Variants in FARS2 observed in about 807,000 individuals in gnomAD.
The protein encoded by FARS2 is phenylalanyl-tRNA synthetase 2, mitochondrial, also known as phenylalanine--tRNA ligase, mitochondrial.
A neutral mutation model predicts 46.4 loss-of-function variants in FARS2; 40 were observed. That is an observed-to-expected ratio of 0.86 (90% CI 0.67 to 1.12). The LOEUF is 1.12. Among genes scored for constraint, FARS2 ranks in the 50% most tolerant of loss-of-function variants. The probability of loss-of-function intolerance (pLI) is 0.00; values close to 1 mark genes in which losing one functional copy is unlikely to be tolerated. For missense variants in FARS2, 513 were observed against 567.9 expected, an observed-to-expected ratio of 0.90 and a Z score of 0.98; for synonymous variants, 234 against 214.9, an observed-to-expected ratio of 1.09 and a Z score of -0.78.
chr6:5,718,349 C>T (rs1759659962), intron 6 of FARS2, among the ~76,000 whole-genome samples: 1 of 152,230 alleles, frequency 6.6e-6, no homozygotes, highest in African/African-American at 2.4e-5. Flanking sequence ...CCCACCCACC[C>T]CCAACTGGGC....
chr6:5,655,172 C>T (rs148210685), intron 6 of FARS2, among the ~76,000 whole-genome samples: 87 of 152,192 alleles, frequency 5.7e-4, no homozygotes, highest in African/African-American at 2.1e-3. Context: ...GAGGGTCCAC[C>T]GTATATGCTT....
chr6:5,711,142 G>A (rs549208916), intron 6 of FARS2, among the ~76,000 whole-genome samples: 3 of 152,200 alleles, frequency 2.0e-5, no homozygotes, highest in Non-Finnish European at 4.4e-5. Flanking sequence ...ATGGGGGAAT[G>A]TCAAAGGGGA....
At chr6:5,269,029 A>T (rs1765751604) in intron 1 of FARS2, among the ~76,000 whole-genome samples, 2 of 152,258 alleles carry the variant, frequency 1.3e-5, no homozygotes, top group Non-Finnish European at 2.9e-5. Flanking sequence ...CTGTAAAGAC[A>T]CATGCACACA....
intron 6 of FARS2, among the ~76,000 whole-genome samples, chr6:5,644,302 C>T (rs1196316235): frequency 6.6e-6 from 1 of 152,062 alleles, no homozygotes; most frequent in Admixed American, 6.5e-5. Context: ...AGCTCAAGCT[C>T]CCTGGGCTCA....
At chr6:5,767,118 C>T (rs1001847292) in intron 6 of FARS2, among the ~76,000 whole-genome samples, 3 of 151,590 alleles carry the variant, frequency 2.0e-5, no homozygotes, top group African/African-American at 4.8e-5. Context: ...TGCAGTGGGG[C>T]GATCTCCACT....
intron 3 of FARS2, among the ~76,000 whole-genome samples, chr6:5,408,338 G>C (rs75936111): frequency 6.6e-6 from 1 of 151,980 alleles, no homozygotes; most frequent in Non-Finnish European, 1.5e-5. Context: ...TAAGCAAGGT[G>C]GGGGGGCAGA....
At chr6:5,716,365 GT>G (rs556575204) in intron 6 of FARS2, among the ~76,000 whole-genome samples, 15 of 151,852 alleles carry the variant, frequency 9.9e-5, no homozygotes, top group Non-Finnish European at 2.2e-4. Context: ...TGGGGGTCTT[GT>G]TTTTTTTCCA....
At chr6:5,381,199 CT>C (rs1581936553) in intron 2 of FARS2, among the ~76,000 whole-genome samples, 1 of 151,734 alleles carries the variant, frequency 6.6e-6, no homozygotes, top group East Asian at 1.9e-4. Flanking sequence ...ACTAAAAATC[CT>C]GTTAGCCAGG....
chr6:5,464,175 C>T (rs925406246), intron 4 of FARS2, among the ~76,000 whole-genome samples: 2 of 152,224 alleles, frequency 1.3e-5, no homozygotes, highest in Non-Finnish European at 2.9e-5. Context: ...GAAAGTTAGT[C>T]CCTGTTAAGG....
At chr6:5,331,484 C>G (rs1427033028) in intron 1 of FARS2, among the ~76,000 whole-genome samples, 1 of 152,178 alleles carries the variant, frequency 6.6e-6, no homozygotes, top group Admixed American at 6.5e-5. Context: ...TTTCTCCTAT[C>G]TGATCACATA....
At chr6:5,269,376 A>G (rs1349325557) in intron 1 of FARS2, among the ~76,000 whole-genome samples, 1 of 151,698 alleles carries the variant, frequency 6.6e-6, no homozygotes. Context: ...ATTAGGAGAT[A>G]TACCTAATGC....
chr6:5,404,600 C>T lies in FARS2; in HGVS notation c.671C>T (p.Ser224Phe), dbSNP rs1348419321. The T allele has an allele frequency of 2.5e-6, 4 of 1,611,610 alleles. No individual in the cohort carries two copies. Among genetic ancestry groups the T allele is most frequent in the Non-Finnish European group, 2.5e-6 (3 of 1,178,524 alleles). Reference sequence around the variant, plus strand: ...CAGCTCTTTGAACAAAGTTCTCGCTCTGCGCATAAACAAGAGACACACACC... The same window carrying T: ...CAGCTCTTTGAACAAAGTTCTCGCTTTGCGCATAAACAAGAGACACACACC... ...SLQLFEQSSR[S>F]AHKQETHTME... is the part of the protein sequence containing the mutation. The change falls in exon 3 of 7, where the codon TCT becomes TTT. Residue 224 changes from serine to phenylalanine, a missense_variant. Physicochemically the swap from Ser to Phe is radical, Grantham distance 155. Transcript: ENST00000274680.
intron 4 of FARS2, among the ~76,000 whole-genome samples, chr6:5,464,330 T>C (rs946595590): frequency 6.6e-6 from 1 of 152,194 alleles, no homozygotes; most frequent in East Asian, 1.9e-4. Flanking sequence ...ACTCCCACAA[T>C]GGACAGTCCT....
In FARS2 at chr6:5,509,758, G is replaced by A. The variant is rs139272464; in HGVS notation, c.905-35422G>A. Among the ~76,000 whole-genome samples the A allele has an allele frequency of 1.2e-4, 19 of 152,298 alleles. No homozygotes were observed. In the East Asian group the frequency reaches 3.7e-3, roughly 29 times the overall value. On this transcript the variant is annotated intron_variant, in intron 4 of 6. Transcript: ENST00000274680. The stretch of plus-strand genomic sequence containing the variant: ...AGAAAGTGGGTGGTTTCTTTATGGG[G>A]ATACCTGCTGGAGTGTGCTGGTTTT...
At chr6:5,308,234 A>G (rs1768856193) in intron 1 of FARS2, among the ~76,000 whole-genome samples, 1 of 152,160 alleles carries the variant, frequency 6.6e-6, no homozygotes, top group Admixed American at 6.5e-5. Context: ...TTTACAAGGA[A>G]GACCTAGGTG....
chr6:5,687,484 G>T (rs919945331), intron 6 of FARS2, among the ~76,000 whole-genome samples: 5 of 152,076 alleles, frequency 3.3e-5, no homozygotes, highest in African/African-American at 4.8e-5. Flanking sequence ...GTTTTTCTCA[G>T]GTTTGTCAAA....
intron 1 of FARS2, among the ~76,000 whole-genome samples, chr6:5,318,407 A>AAAAC (rs1769715277): frequency 6.8e-6 from 1 of 147,756 alleles, no homozygotes. Context: ...AAAAAAAAAA[A>AAAAC]CCCTACAAGA....
intron 6 of FARS2, among the ~76,000 whole-genome samples, chr6:5,770,113 G>A (rs1213096864): frequency 1.3e-5 from 2 of 152,170 alleles, no homozygotes; most frequent in Non-Finnish European, 2.9e-5. Flanking sequence ...GTGTCGGGAG[G>A]ACCCTGGAAG....
intron 6 of FARS2, among the ~76,000 whole-genome samples, chr6:5,751,384 C>A (rs1030665346): frequency 6.6e-6 from 1 of 152,162 alleles, no homozygotes; most frequent in African/African-American, 2.4e-5. Flanking sequence ...TCTCAGCAAG[C>A]AGTAGACACC....
Sources: gnomAD v4.1 joint callset for allele counts (sites outside exome capture counted in the v4.1 genomes callset) on GRCh38, gnomAD v4.1.1 for gene constraint, MANE v1.5 for transcripts, NCBI Gene and HGNC (gene_info 2026-07-23, HGNC 2026-07-21) for gene names.